The following CIC variants were observed in gnomAD, a reference collection of about 807,000 sequenced individuals.
CIC encodes protein capicua homolog.
A neutral mutation model predicts 115.7 loss-of-function variants in CIC; 18 were observed. That is an observed-to-expected ratio of 0.16 (90% CI 0.11 to 0.23). CIC has a LOEUF of 0.23. Among genes scored for constraint, CIC ranks in the 10% least tolerant of loss-of-function variants. The pLI is 1.00. For synonymous variants in CIC, 1,076 were observed against 923.0 expected, an observed-to-expected ratio of 1.17 and a Z score of -3.01; for missense variants, 2,000 against 2,159.3, an observed-to-expected ratio of 0.93 and a Z score of 1.46.
chr19:42,293,397 G>T, intron 16 of CIC, 116 bp downstream of exon 16: 1 of 1,358,912 alleles, frequency 7.4e-7, no homozygotes, highest in Non-Finnish European at 1.0e-6. Flanking sequence ...CAGGTTAAAG[G>T]GTCCCCTCTG....
rs769646360 is a variant in CIC at position 42,292,286 on chromosome 19, C to T, written c.5736-14C>T. On this transcript the variant is annotated splice_polypyrimidine_tract_variant and intron_variant, in intron 13 of 20. Transcript: ENST00000681038. ...GGCTTACCTCACTCCTCCCCATTTC[C>T]TCTCCTGCGGCAGAATCACCTATGT... The T allele has an allele frequency of 3.7e-6, 6 of 1,613,416 alleles. No individual in the cohort carries two copies. The highest frequency in any genetic ancestry group is 2.5e-6 in the Non-Finnish European group (3 of 1,180,018).
rs371571929 is a variant in CIC at position 42,292,210 on chromosome 19, A to G, written c.5735+3A>G. On this transcript the variant is annotated splice_donor_region_variant and intron_variant, in intron 13 of 20. Coordinates refer to ENST00000681038, the MANE Select transcript of CIC (RefSeq NM_001386298.1). ...GTCCTGTTGCCCTCCTCCACCAGGT[A>G]ATTGCAGCTGAGCCCATACTCAGAG... The G allele has an allele frequency of 5.0e-6, 8 of 1,613,764 alleles. No homozygotes were observed. Among genetic ancestry groups the G allele is most frequent in the Non-Finnish European group, 5.9e-6 (7 of 1,180,012 alleles).
chr19:42,281,860 T>C (rs187125220), intron 2 of CIC, among the ~76,000 whole-genome samples: 23 of 152,346 alleles, frequency 1.5e-4, no homozygotes, highest in African/African-American at 5.1e-4. Flanking sequence ...TGGGGCCCTC[T>C]TTCCCTCCTG....
rs77467952 is a variant in CIC at position 42,291,827 on chromosome 19, C to T, written c.5613+82C>T. On this transcript the variant is annotated intron_variant, in intron 12 of 20. Transcript: ENST00000681038. ...TCTTTGTCTTTTTTTTCAGTCTTTT[C>T]TCCTTCTCCATGTATCTGGTTCTCT... The T allele has an allele frequency of 1.3e-4, 199 of 1,538,854 alleles. 1 individual carries two copies. The East Asian group carries it at 4.4e-3, about 34-fold the overall frequency.
intron 2 of CIC, among the ~76,000 whole-genome samples, chr19:42,283,047 T>A (rs1163458544): frequency 2.0e-5 from 3 of 152,128 alleles, no homozygotes; most frequent in African/African-American, 7.2e-5. Context: ...TCTGTATACC[T>A]GATGGGCCTG....
rs1019731368 is a variant in CIC at position 42,273,523 on chromosome 19, G to A, written c.1740G>A (p.Arg580=). The change falls in exon 2 of 21, where the codon CGG becomes CGA. Residue 580 remains arginine, a synonymous_variant. Transcript: ENST00000681038. ...GTGTGGCGGCTCGTGGAGACTCACG[G>A]CCACGCCTGGTGGCCCCTGCTGACT... ...ASSVAARGDS[R]PRLVAPADLS... 29 of 398,394 alleles carry A rather than the reference G, an allele frequency of 7.3e-5. No individual in the cohort carries two copies. Among genetic ancestry groups the A allele is most frequent in the Non-Finnish European group, 1.3e-4 (29 of 225,976 alleles). 24.7% of individuals were successfully genotyped at this position (398,394 alleles called of 1,614,324 possible).
Position 42,293,056 on chromosome 19 carries a change from G to C in CIC, c.6297G>C (p.Gly2099=). The change falls in exon 16 of 21, where the codon GGG becomes GGC. Residue 2099 remains glycine (G), a synonymous_variant. Coordinates refer to ENST00000681038, the MANE Select transcript of CIC (RefSeq NM_001386298.1). The part of the protein sequence containing the change: ...VKAAIASIPV[G]SFEAGASGRP... ...CAGCCATCGCCAGCATTCCCGTGGG[G>C]TCCTTTGAGGCAGGTGCCTCTGGGC... 1 of 1,612,720 alleles carries C rather than the reference G, an allele frequency of 6.2e-7. No individual in the cohort carries two copies. The highest frequency in any genetic ancestry group is 2.2e-5 in the East Asian group (1 of 44,866).
Position 42,295,143 on chromosome 19 carries a change from G to GGGGGGCCCCCCCCC in CIC, c.7506_7507insGGGGGCCCCCCCCC (p.Pro2503GlyfsTer31). Reference sequence around the variant, plus strand: ...AGCCTGGCTGGGAGGGGGCTCCCCAGCCCTCCCCCCCACCCCCAGGTCCCT... The same window carrying GGGGGGCCCCCCCCC: ...AGCCTGGCTGGGAGGGGGCTCCCCAGGGGGGCCCCCCCCCCCCTCCCCCCCACCCCCAGGTCCCT... On this transcript the variant is annotated frameshift_variant, in exon 21 of 21. Coordinates refer to ENST00000681038, the MANE Select transcript of CIC (RefSeq NM_001386298.1). LOFTEE classifies it high-confidence loss of function. 21 of 1,382,660 alleles carry GGGGGGCCCCCCCCC rather than the reference G, an allele frequency of 1.5e-5. No individual in the cohort carries two copies. Among genetic ancestry groups the GGGGGGCCCCCCCCC allele is most frequent in the East Asian group, 2.5e-5 (1 of 39,692 alleles). The allele number at this position is 1,382,660 out of a possible 1,614,324, so 85.6% of individuals were successfully genotyped here.
intron 9 of CIC, 91 bp downstream of exon 9, chr19:42,289,497 CTT>C (rs2037916405): frequency 1.5e-6 from 2 of 1,364,858 alleles, no homozygotes; most frequent in Non-Finnish European, 2.0e-6. Context: ...CCCTAGGCCC[CTT>C]TGTTTTCTTT....
At chr19:42,275,855 GGCCTGGCCCTGTGCTGT>G (rs1451999941) in intron 2 of CIC, among the ~76,000 whole-genome samples, 8 of 151,954 alleles carry the variant, frequency 5.3e-5, no homozygotes, top group African/African-American at 1.7e-4. Context: ...GTTGATTCAG[GGCCTGGCCCTGTGCTGT>G]GCCTGGCCCT....
At chr19:42,277,965 C>G (rs139598564) in intron 2 of CIC, among the ~76,000 whole-genome samples, 43 of 152,352 alleles carry the variant, frequency 2.8e-4, no homozygotes, top group Non-Finnish European at 5.1e-4. Flanking sequence ...TAGGGCAGAC[C>G]GTGTTCAGTG....
intron 12 of CIC, 103 bp from the exon 13 acceptor site, chr19:42,291,981 CTG>C: frequency 6.5e-7 from 1 of 1,540,582 alleles, no homozygotes; most frequent in South Asian, 1.1e-5. Flanking sequence ...ACCCCAAGTT[CTG>C]TGTTCCTTGC....
Position 42,293,700 on chromosome 19 carries a change from GC to G in CIC, c.6635del (p.Pro2212LeufsTer29). ...PPSPAPAPAVAPGGSSESSSG... is the reference protein window; with the variant it reads ...PPSPAPAPAVXPGGSSESSSG... ...CAGCCCGGCCCCAGCTCCAGCTGTA[GC>G]CCCTGGTGGCAGCAGCGAGAGCAGC... is the stretch of plus-strand genomic sequence containing the variant. On this transcript the variant is annotated frameshift_variant, in exon 17 of 21. Transcript: ENST00000681038. LOFTEE classifies it high-confidence loss of function. The G allele has an allele frequency of 6.2e-7, 1 of 1,612,830 alleles. No homozygotes were observed.
chr19:42,277,183 G>A (rs1452294732), intron 2 of CIC, among the ~76,000 whole-genome samples: 2 of 152,204 alleles, frequency 1.3e-5, no homozygotes, highest in Non-Finnish European at 2.9e-5. Flanking sequence ...GGAGGAAACC[G>A]TAGCCTGAAA....
intron 2 of CIC, chr19:42,284,328 C>CGCCCCGCCCCGCCT (rs1555762972): frequency 6.9e-6 from 1 of 144,492 alleles, no homozygotes; most frequent in Non-Finnish European, 1.5e-5. Context: ...CGTCGCGCCC[C>CGCCCCGCCCCGCCT]GCCCCGCCTG....
rs199706563 is a variant in CIC at position 42,294,650 on chromosome 19, G to A, written c.7101G>A (p.Val2367=). Residue 2367 remains valine, a synonymous_variant, in exon 20 of 21, where the codon GTG becomes GTA. Coordinates refer to ENST00000681038, the MANE Select transcript of CIC (RefSeq NM_001386298.1). ...DVLGELEYDK[V]PYSSLRRTLD... is the part of the protein sequence containing the mutation. ...TTGGGGAGCTAGAGTATGACAAGGTGCCATACTCCTCCCTGCGGCGCACCC... is the reference window on the plus strand; with the variant it reads ...TTGGGGAGCTAGAGTATGACAAGGTACCATACTCCTCCCTGCGGCGCACCC... The A allele has an allele frequency of 3.7e-5, 59 of 1,613,710 alleles. No homozygotes were observed. In the East Asian group the frequency reaches 1.1e-3, roughly 31 times the overall value.
rs1555772579 is a variant in CIC at position 42,293,261 on chromosome 19, G to A, written c.6502G>A (p.Ala2168Thr). The change falls in exon 16 of 21, where the codon GCC (alanine) becomes ACC (threonine). Residue 2168 changes from alanine to threonine, a missense_variant. Physicochemically the swap from Ala to Thr is moderately conservative, Grantham distance 58. This residue lies in a region of CIC where 1,466 missense variants were observed against 1,390.4 expected (regional missense o/e 1.05). Transcript: ENST00000681038. ...CCCACCTGCTGAGGAGCGGACCAGC[G>A]CCAAGGGCCCTGAGACCATGGTGAG... is the stretch of plus-strand genomic sequence containing the variant. The part of the protein sequence containing the change: ...LPPPAEERTS[A>T]KGPETMASKF... 6.3e-6 allele frequency: 10 copies of A among 1,582,318 alleles called. No individual in the cohort carries two copies. The highest frequency in any genetic ancestry group is 3.4e-5 in the South Asian group (3 of 87,194).
At chr19:42,294,542 G>A in intron 19 of CIC, 62 bp from the exon 20 acceptor site, 2 of 1,608,382 alleles carry the variant, frequency 1.2e-6, no homozygotes, top group South Asian at 1.1e-5. Flanking sequence ...TGGGCACTCA[G>A]ACGGTGGCAG....
Position 42,280,465 on chromosome 19 carries a change from G to T in CIC, c.2794+5888G>T, listed in dbSNP as rs2037180084. On this transcript the variant is annotated intron_variant, in intron 2 of 20. Transcript: ENST00000681038. The surrounding 1 kb of genome is among the most constrained non-coding windows in gnomAD (Gnocchi z 4.9). The stretch of plus-strand genomic sequence containing the variant: ...GCGCCCCTGGGTGCAGACCTCCTGT[G>T]TCGGGCCTCCGTCCTTCTCATTGGC... Among the ~76,000 whole-genome samples, 1 of 152,134 alleles carries T rather than the reference G, an allele frequency of 6.6e-6. No individual in the cohort carries two copies. The highest frequency in any genetic ancestry group is 2.4e-5 in the African/African-American group (1 of 41,428).
Sources: allele counts gnomAD v4.1 joint callset (sites outside exome capture counted in the v4.1 genomes callset), GRCh38; gene constraint gnomAD v4.1.1; regional missense constraint gnomAD v4.1.1; non-coding constraint Gnocchi (gnomAD v3.1); transcripts MANE v1.5; gene names NCBI Gene and HGNC (gene_info 2026-07-23, HGNC 2026-07-21).